The following PLA2G4F variants were observed in gnomAD, a reference collection of about 807,000 sequenced individuals.
PLA2G4F encodes phospholipase A2 group IVF, also known as cytosolic phospholipase A2 zeta.
In PLA2G4F, 105 loss-of-function variants were observed where a neutral mutation model predicts 103.1. The ratio of observed to expected loss-of-function variants is 1.02; its 90% CI spans 0.87 to 1.20. The LOEUF is 1.20. Among genes scored for constraint, PLA2G4F ranks in the 50% most tolerant of loss-of-function variants. The pLI, the probability that PLA2G4F is intolerant of heterozygous loss-of-function variation, is 0.00. For synonymous variants in PLA2G4F, 468 were observed against 441.1 expected (o/e 1.06, Z -0.76); for missense variants, 1,155 against 1,075.9 (o/e 1.07, Z -1.03).
At chr15:42,147,036 A>G in intron 13 of PLA2G4F, 88 bp downstream of exon 13, 1 of 1,288,624 alleles carries the variant, frequency 7.8e-7, no homozygotes, top group Non-Finnish European at 1.1e-6. Flanking sequence ...TGTAAATCAG[A>G]TCTTAGCCTG....
chr15:42,146,893 T>C lies in PLA2G4F; in HGVS notation c.1419+231A>G, dbSNP rs2048892596. 1.1e-5 allele frequency: 6 copies of C among 522,350 alleles called. 1 individual carries two copies. Among genetic ancestry groups the C allele is most frequent in the South Asian group, 5.1e-5 (2 of 39,064 alleles). The allele number at this position is 522,350 out of a possible 1,614,324, so 32.4% of individuals were successfully genotyped here. ...AAAAGCTGCGCCGGTGATTCTAATA[T>C]GCACCCAGAGCTGAGCGCTGCGGAC... On this transcript the variant is annotated intron_variant, in intron 13 of 19. Transcript: ENST00000397272.
Position 42,152,746 on chromosome 15 carries a change from G to T in PLA2G4F, c.543C>A (p.Pro181=), listed in dbSNP as rs1171719394. The change falls in exon 7 of 20, where the codon CCC becomes CCA. Residue 181 remains proline, a synonymous_variant. Transcript: ENST00000397272. ...GGAGCGTGCCCTGGATTCTCAGACAGGGGTGAGCCTGAGGAAAGCAGAGGC... is the reference window on the plus strand; with the variant it reads ...GGAGCGTGCCCTGGATTCTCAGACATGGGTGAGCCTGAGGAAAGCAGAGGC... ...VITNGVLVAH[P]CLRIQGTLRG... is the part of the protein sequence containing the mutation. The T allele has an allele frequency of 6.4e-7, 1 of 1,555,678 alleles. No homozygotes were observed. Among genetic ancestry groups the T allele is most frequent in the Non-Finnish European group, 8.7e-7 (1 of 1,148,984 alleles).
At position 42,147,636 on chromosome 15, in the gene PLA2G4F, C is replaced by T. The variant is rs780753169; in HGVS notation, c.1186G>A (p.Gly396Arg). Reference sequence around the variant, plus strand: ...CCCCACCTCACTTACCAGGTAGACCCAGAGACCCCACTCAGGTAGGTCACA... The same window carrying T: ...CCCCACCTCACTTACCAGGTAGACCTAGAGACCCCACTCAGGTAGGTCACA... ...DTVTYLSGVS[G>R]STWCISTLYR... The change falls in exon 12 of 20, where the codon GGG (glycine) becomes AGG (arginine). Residue 396 changes from glycine to arginine, a missense_variant. Gly to Arg is a moderately radical substitution (Grantham distance 125). This residue lies in a region of PLA2G4F where 782 missense variants were observed against 692.9 expected (regional missense o/e 1.13). Coordinates refer to ENST00000397272, the MANE Select transcript of PLA2G4F (RefSeq NM_213600.4). 10 of 1,613,888 alleles carry T rather than the reference C, an allele frequency of 6.2e-6. No homozygotes were observed. Among genetic ancestry groups the T allele is most frequent in the South Asian group, 1.1e-5 (1 of 91,074 alleles).
intron 1 of PLA2G4F, among the ~76,000 whole-genome samples, chr15:42,156,054 G>A (rs1020239260): frequency 2.0e-5 from 3 of 152,230 alleles, no homozygotes; most frequent in South Asian, 4.2e-4. Context: ...GAGAGTCACC[G>A]GCCGGCCGGT....
chr15:42,142,341 A>G, intron 19 of PLA2G4F, 137 bp from the exon 20 acceptor site: 2 of 1,153,758 alleles, frequency 1.7e-6, no homozygotes, highest in Non-Finnish European at 2.4e-6. Flanking sequence ...CTCAGCTCTC[A>G]GACCCCCCAG....
rs759685191 is a variant in PLA2G4F at position 42,149,365 on chromosome 15, G to A, written c.1059+348C>T. 936 of 622,682 alleles carry A rather than the reference G, an allele frequency of 1.5e-3. 2 individuals carry two copies. The highest frequency in any genetic ancestry group is 1.8e-3 in the Non-Finnish European group (892 of 499,902). 38.6% of individuals were successfully genotyped at this position (622,682 alleles called of 1,614,324 possible). A position where few individuals can be genotyped will look rare whatever the true frequency, so the allele number is the denominator to read the frequency against. Reference sequence around the variant, plus strand: ...AGGAAGGGCCACATGAGGACATGGCGAGACAGCTCCACCAGGAAGAGGAGA... The same window carrying A: ...AGGAAGGGCCACATGAGGACATGGCAAGACAGCTCCACCAGGAAGAGGAGA... On this transcript the variant is annotated intron_variant, in intron 11 of 19. Transcript: ENST00000397272.
At position 42,153,507 on chromosome 15, in the gene PLA2G4F, T is replaced by C. The variant is rs938297153; in HGVS notation, c.491+113A>G. 1.2e-5 allele frequency: 18 copies of C among 1,501,276 alleles called. No individual in the cohort carries two copies. In the African/African-American group the frequency reaches 1.8e-4, roughly 15 times the overall value. 93.0% of individuals were successfully genotyped at this position (1,501,276 alleles called of 1,614,324 possible). On this transcript the variant is annotated intron_variant, in intron 5 of 19. Coordinates refer to ENST00000397272, the MANE Select transcript of PLA2G4F (RefSeq NM_213600.4). ...GCAGATGGGTGTCAAGACCAGGCCA[T>C]TGCCTCCAGGCCAGGCCTCCAAGGC...
rs2048949972 is a variant in PLA2G4F at position 42,150,650 on chromosome 15, G to A, written c.729C>T (p.Ser243=). 6.2e-7 allele frequency: 1 copy of A among 1,613,544 alleles called. No homozygotes were observed. Among genetic ancestry groups the A allele is most frequent in the Non-Finnish European group, 8.5e-7 (1 of 1,179,852 alleles). ...FTFHVNPVLS[S]RLHVELMELL... ...GCTCCATCAGCTCCACGTGTAGCCT[G>A]GAGCTCAGCACTGGGTTCACGTGGA... is the stretch of plus-strand genomic sequence containing the variant. The change falls in exon 8 of 20, where the codon TCC becomes TCT. Residue 243 remains serine, a synonymous_variant. Transcript: ENST00000397272.
chr15:42,155,370 TCA>T (rs1457760805), intron 2 of PLA2G4F, 145 bp downstream of exon 2: 4 of 767,118 alleles, frequency 5.2e-6, no homozygotes, highest in African/African-American at 3.5e-5. Context: ...ACACGTATAC[TCA>T]CACATGTATA....
intron 2 of PLA2G4F, 77 bp from the exon 3 acceptor site, chr15:42,154,535 A>AAGGGGAAGGAGCAGAGTGGGG (rs1447918210): frequency 1.5e-5 from 21 of 1,446,112 alleles, no homozygotes; most frequent in South Asian, 1.0e-4. Context: ...GCTAGGGCAG[A>AAGGGGAAGGAGCAGAGTGGGG]AGGGGAAGGA....
At position 42,147,744 on chromosome 15, in the gene PLA2G4F, A is replaced by G. The variant is rs755810592; in HGVS notation, c.1078T>C (p.Leu360=). 3 of 1,613,750 alleles carry G rather than the reference A, an allele frequency of 1.9e-6. No homozygotes were observed. Among genetic ancestry groups the G allele is most frequent in the African/African-American group, 1.3e-5 (1 of 74,932 alleles). ...GCTCGGGTTCCACCCCCGGAACCCA[A>G]CACAGCCACTACAGGCACCTGGGTA... ...DSGQVPVVAV[L]GSGGGTRAMS... The change falls in exon 12 of 20, where the codon TTG becomes CTG. Residue 360 remains leucine, a synonymous_variant. Coordinates refer to ENST00000397272, the MANE Select transcript of PLA2G4F (RefSeq NM_213600.4).
chr15:42,142,582 T>G lies in PLA2G4F; in HGVS notation c.2275A>C (p.Ile759Leu), dbSNP rs768995045. ...TTAACCAGGGGGAAGTGCAGCACAA[T>G]GGGGGAGCGGGGGTCCTCAGCCTTG... Reference protein sequence around the residue: ...FAKAEDPRSPIVLHFPLVNRT... With the variant: ...FAKAEDPRSPLVLHFPLVNRT... The change falls in exon 19 of 20, where the codon ATT becomes CTT. Residue 759 changes from isoleucine to leucine, a missense_variant. Ile to Leu is a conservative substitution (Grantham distance 5, BLOSUM62 2). Transcript: ENST00000397272. The G allele has an allele frequency of 1.2e-6, 2 of 1,613,800 alleles. No homozygotes were observed. The highest frequency in any genetic ancestry group is 1.7e-6 in the Non-Finnish European group (2 of 1,179,920).
chr15:42,142,067 C>T lies in PLA2G4F; in HGVS notation c.2467G>A (p.Val823Ile), dbSNP rs370233019. ...TTCAAGGTCTCCACGTTGTTCAGGA[C>T]GTTGTATCGACTGAGGGCCACCAGC... is the stretch of plus-strand genomic sequence containing the variant. ...YRLVALSRYN[V>I]LNNVETLKCA... The change falls in exon 20 of 20, where the codon GTC becomes ATC. Residue 823 changes from valine to isoleucine, a missense_variant. Physicochemically the swap from Val to Ile is conservative, Grantham distance 29. Around this residue, in one of 3 missense-constraint regions of PLA2G4F, gnomAD observed 782 missense variants for 692.9 expected, o/e 1.13. Transcript: ENST00000397272. 6.1e-5 allele frequency: 99 copies of T among 1,614,164 alleles called. No homozygotes were observed. Among genetic ancestry groups the T allele is most frequent in the African/African-American group, 2.0e-4 (15 of 75,050 alleles).
chr15:42,154,794 G>A (rs1212213226), intron 2 of PLA2G4F, among the ~76,000 whole-genome samples: 2 of 152,120 alleles, frequency 1.3e-5, no homozygotes, highest in African/African-American at 4.8e-5. Context: ...AGCGCGTGCT[G>A]ACTTGTAGCC....
chr15:42,155,488 G>C (rs769747095), intron 2 of PLA2G4F, 29 bp downstream of exon 2: 73 of 1,611,470 alleles, frequency 4.5e-5, no homozygotes, highest in Non-Finnish European at 5.7e-5. Flanking sequence ...GGAAAGGACA[G>C]AGAGAAGGAT....
chr15:42,153,521 G>C, intron 5 of PLA2G4F, 99 bp downstream of exon 5: 1 of 1,537,408 alleles, frequency 6.5e-7, no homozygotes, highest in Non-Finnish European at 9.0e-7. Flanking sequence ...CTCCAGGCCA[G>C]GCCTCCAAGG....
At position 42,140,021 on chromosome 15, in the gene PLA2G4F, G is replaced by C. The variant is rs1034916934; in HGVS notation, c.*1963C>G. The C allele has an allele frequency of 6.6e-6, 1 of 152,236 alleles. No homozygotes were observed. The highest frequency in any genetic ancestry group is 1.5e-5 in the Non-Finnish European group (1 of 68,052). 9.4% of individuals were successfully genotyped at this position (152,236 alleles called of 1,614,324 possible). A position where few individuals can be genotyped will look rare whatever the true frequency, so the allele number is the denominator to read the frequency against. On this transcript the variant is annotated 3_prime_UTR_variant, in exon 20 of 20. Coordinates refer to ENST00000397272, the MANE Select transcript of PLA2G4F (RefSeq NM_213600.4). ...AGCTGAAGCAGAGACCTTATTGTAAGCAACTTTTCATGTGTGTGTGTATGC... is the reference window on the plus strand; with the variant it reads ...AGCTGAAGCAGAGACCTTATTGTAACCAACTTTTCATGTGTGTGTGTATGC...
Position 42,141,414 on chromosome 15 carries a change from G to A in PLA2G4F, c.*570C>T. On this transcript the variant is annotated 3_prime_UTR_variant, in exon 20 of 20. Transcript: ENST00000397272. Reference sequence around the variant, plus strand: ...TCTGGGAGGAGGCACGAGGAGACCAGAAGGCAGAAGGAGGGTTAGGATGAT... The same window carrying A: ...TCTGGGAGGAGGCACGAGGAGACCAAAAGGCAGAAGGAGGGTTAGGATGAT... 1 of 454,876 alleles carries A rather than the reference G, an allele frequency of 2.2e-6. No homozygotes were observed. The allele number at this position is 454,876 out of a possible 1,614,324, so 28.2% of individuals were successfully genotyped here. A position where few individuals can be genotyped will look rare whatever the true frequency, so the allele number is the denominator to read the frequency against.
intron 11 of PLA2G4F, 44 bp from the exon 12 acceptor site, chr15:42,147,806 T>TCATTGA (rs754008497): frequency 2.6e-5 from 42 of 1,608,408 alleles, no homozygotes; most frequent in Non-Finnish European, 3.6e-5. Flanking sequence ...ACTACCACCG[T>TCATTGA]CATTGACGTA....
Sources: gnomAD v4.1 joint callset for allele counts (sites outside exome capture counted in the v4.1 genomes callset) on GRCh38, gnomAD v4.1.1 for gene constraint, gnomAD v4.1.1 regional missense constraint, MANE v1.5 for transcripts, NCBI Gene and HGNC (gene_info 2026-07-23, HGNC 2026-07-21) for gene names.